Variants in ZCCHC7 observed in about 807,000 individuals in gnomAD.
The protein encoded by ZCCHC7 is zinc finger CCHC-type containing 7, also known as zinc finger CCHC domain-containing protein 7.
A neutral mutation model predicts 52.0 loss-of-function variants in ZCCHC7; 35 were observed. That is an observed-to-expected ratio of 0.67 (90% confidence interval 0.51 to 0.89). The LOEUF (loss-of-function observed/expected upper bound fraction) is 0.89, where lower values mean the gene tolerates loss of function less well. Ranked by LOEUF, ZCCHC7 falls within the 40% of genes least tolerant of loss-of-function variation. The pLI is 0.00. For missense variants in ZCCHC7, 574 were observed against 649.1 expected (o/e 0.88, Z 1.26); for synonymous variants, 217 against 221.5 (o/e 0.98, Z 0.18).
chr9:37,172,715 G>C (rs1821797527), intron 2 of ZCCHC7, among the ~76,000 whole-genome samples: 1 of 149,768 alleles, frequency 6.7e-6, no homozygotes, highest in Non-Finnish European at 1.5e-5. Context: ...CCAATAGAGA[G>C]ACTTCAGTGA....
At chr9:37,147,412 A>G (rs1353454036) in intron 2 of ZCCHC7, 1 of 151,990 alleles carries the variant, frequency 6.6e-6, no homozygotes, top group African/African-American at 2.4e-5. Context: ...AGCTGTTTTG[A>G]AAGTGTCTAA....
chr9:37,156,420 T>G (rs893395164), intron 2 of ZCCHC7, among the ~76,000 whole-genome samples: 13 of 152,250 alleles, frequency 8.5e-5, no homozygotes, highest in Non-Finnish European at 1.5e-4. Context: ...AGAGATCATA[T>G]TTTATCTTTT....
chr9:37,216,751 A>C (rs755451574), intron 2 of ZCCHC7, among the ~76,000 whole-genome samples: 1 of 152,210 alleles, frequency 6.6e-6, no homozygotes, highest in Non-Finnish European at 1.5e-5. Flanking sequence ...CATAATGTTG[A>C]CATAAAATTT....
At chr9:37,123,899 T>C (rs1318569764) in intron 1 of ZCCHC7, among the ~76,000 whole-genome samples, 1 of 152,218 alleles carries the variant, frequency 6.6e-6, no homozygotes, top group Admixed American at 6.5e-5. Context: ...AGTAACAGCA[T>C]AGCCACCTGA....
intron 2 of ZCCHC7, among the ~76,000 whole-genome samples, chr9:37,161,732 G>A (rs1209929392): frequency 6.6e-6 from 1 of 152,204 alleles, no homozygotes; most frequent in Non-Finnish European, 1.5e-5. Flanking sequence ...ATAGTATACG[G>A]AATATTATAA....
At chr9:37,214,015 T>G (rs1022968445) in intron 2 of ZCCHC7, among the ~76,000 whole-genome samples, 2 of 152,044 alleles carry the variant, frequency 1.3e-5, no homozygotes, top group East Asian at 3.8e-4. Flanking sequence ...TGTGTGTGTG[T>G]GTGTGTATTT....
At chr9:37,238,960 A>T (rs1377144708) in intron 2 of ZCCHC7, among the ~76,000 whole-genome samples, 1 of 152,030 alleles carries the variant, frequency 6.6e-6, no homozygotes, top group Non-Finnish European at 1.5e-5. Context: ...TTACATGTTG[A>T]TTGTTTCTGC....
intron 6 of ZCCHC7, among the ~76,000 whole-genome samples, chr9:37,344,311 T>C (rs117839200): frequency 8.9e-4 from 135 of 152,348 alleles, no homozygotes; most frequent in Non-Finnish European, 1.7e-3. Context: ...CAACTAGTTA[T>C]TGATCACCTA....
At chr9:37,306,762 CTTTTTTTTTTT>C (rs869292704) in intron 5 of ZCCHC7, among the ~76,000 whole-genome samples, 43 of 52,024 alleles carry the variant, frequency 8.3e-4, no homozygotes, top group East Asian at 3.4e-3. Context: ...TGTACCCGAC[CTTTTTTTTTTT>C]TTTTTTTTTT....
rs77228113 is a variant in ZCCHC7 at position 37,201,063 on chromosome 9, T to C, written c.610+74121T>C. Among the ~76,000 whole-genome samples, 32 of 152,330 alleles carry C rather than the reference T, an allele frequency of 2.1e-4. No homozygotes were observed. In the East Asian group the frequency reaches 6.0e-3, roughly 28 times the overall value. ...GGGAGACAAGGGTATCATTGCATGCTCTTGTAACTTTTGTTTTGAATTCAT... is the reference window on the plus strand; with the variant it reads ...GGGAGACAAGGGTATCATTGCATGCCCTTGTAACTTTTGTTTTGAATTCAT... On this transcript the variant is annotated intron_variant, in intron 2 of 8. Transcript: ENST00000336755.
intron 6 of ZCCHC7, among the ~76,000 whole-genome samples, chr9:37,337,391 C>CT (rs1830723461): frequency 4.1e-5 from 1 of 24,500 alleles, no homozygotes; most frequent in Non-Finnish European, 8.9e-5. Context: ...CCACCCCACC[C>CT]TACCCACCCA....
At chr9:37,150,808 G>C (rs909584607) in intron 2 of ZCCHC7, among the ~76,000 whole-genome samples, 2 of 152,050 alleles carry the variant, frequency 1.3e-5, no homozygotes, top group Non-Finnish European at 2.9e-5. Context: ...ACAGAATATT[G>C]TAATAAATAA....
At chr9:37,197,342 A>G (rs921074455) in intron 2 of ZCCHC7, among the ~76,000 whole-genome samples, 1 of 152,214 alleles carries the variant, frequency 6.6e-6, no homozygotes, top group African/African-American at 2.4e-5. Flanking sequence ...TAAGGAGGGA[A>G]TAATATAAAC....
chr9:37,309,889 T>A (rs939289499), intron 5 of ZCCHC7, among the ~76,000 whole-genome samples: 1 of 144,878 alleles, frequency 6.9e-6, no homozygotes, highest in African/African-American at 2.6e-5. Context: ...ACCACTGAAC[T>A]CCAGCCTGGG....
At chr9:37,177,034 G>T (rs1822073016) in intron 2 of ZCCHC7, among the ~76,000 whole-genome samples, 1 of 152,162 alleles carries the variant, frequency 6.6e-6, no homozygotes, top group Non-Finnish European at 1.5e-5. Context: ...GCTTCTTTTT[G>T]TACTGGCTTT....
At chr9:37,326,732 C>G (rs1325868087) in intron 5 of ZCCHC7, among the ~76,000 whole-genome samples, 1 of 151,804 alleles carries the variant, frequency 6.6e-6, no homozygotes, top group Non-Finnish European at 1.5e-5. Context: ...CTTATCAATA[C>G]TTTGAAAAAT....
intron 5 of ZCCHC7, chr9:37,326,263 A>G (rs1235536796): frequency 6.6e-6 from 1 of 152,122 alleles, no homozygotes; most frequent in African/African-American, 2.4e-5. Flanking sequence ...GAACTTTTGT[A>G]ACAAAGTTTG....
chr9:37,121,178 G>C (rs1407843841), intron 1 of ZCCHC7, among the ~76,000 whole-genome samples: 1 of 152,166 alleles, frequency 6.6e-6, no homozygotes, highest in Non-Finnish European at 1.5e-5. Context: ...GCGGACAGTT[G>C]CCTTCAACTT....
intron 2 of ZCCHC7, among the ~76,000 whole-genome samples, chr9:37,159,624 G>C (rs1820987100): frequency 1.3e-5 from 2 of 152,116 alleles, no homozygotes; most frequent in Non-Finnish European, 2.9e-5. Flanking sequence ...TTGTTTTAAT[G>C]TTTCACTCCC....
Sources: gnomAD v4.1 joint callset for allele counts (sites outside exome capture counted in the v4.1 genomes callset) on GRCh38, gnomAD v4.1.1 for gene constraint, MANE v1.5 for transcripts, NCBI Gene and HGNC (gene_info 2026-07-23, HGNC 2026-07-21) for gene names.